The following FMN2 variants were observed in gnomAD, a reference collection of about 807,000 sequenced individuals.
The protein encoded by FMN2 is formin 2.
A neutral mutation model predicts 142.3 loss-of-function variants in FMN2; 51 were observed. The ratio of observed to expected loss-of-function variants is 0.36; its 90% CI spans 0.29 to 0.45. The LOEUF is 0.45. Among genes scored for constraint, FMN2 ranks in the 20% least tolerant of loss-of-function variants. The probability of loss-of-function intolerance (pLI) is 1.00; values close to 1 mark genes in which losing one functional copy is unlikely to be tolerated. For synonymous variants in FMN2, 882 were observed against 869.8 expected (o/e 1.01, Z -0.25); for missense variants, 1,936 against 2,122.8 (o/e 0.91, Z 1.73).
At chr1:240,234,843 T>TA (rs1667648765) in intron 6 of FMN2, among the ~76,000 whole-genome samples, 1 of 152,200 alleles carries the variant, frequency 6.6e-6, no homozygotes, top group Non-Finnish European at 1.5e-5. Flanking sequence ...AGCAATTATA[T>TA]AAAAATATTT....
At chr1:240,430,743 C>A (rs989786251) in intron 15 of FMN2, among the ~76,000 whole-genome samples, 8 of 151,306 alleles carry the variant, frequency 5.3e-5, no homozygotes, top group African/African-American at 1.9e-4. Context: ...CTTTCCTACC[C>A]CCGCATTGAA....
Position 240,162,517 on chromosome 1 carries a change from T to A in FMN2, c.1783-15404T>A, listed in dbSNP as rs142020243. On this transcript the variant is annotated intron_variant, in intron 2 of 17. Coordinates refer to ENST00000319653, the MANE Select transcript of FMN2 (RefSeq NM_020066.5). The stretch of plus-strand genomic sequence containing the variant: ...AACGATTCACATTTTCTTTTTTGTA[T>A]GTTGATTTTGGTAAATTGCATTTTT... 5.1e-3 allele frequency among the ~76,000 whole-genome samples: 771 copies of A among 152,286 alleles called. 7 individuals are homozygous for A. The highest frequency in any genetic ancestry group is 0.018 in the African/African-American group (745 of 41,560).
intron 4 of FMN2, among the ~76,000 whole-genome samples, chr1:240,203,732 A>T (rs568986866): frequency 6.6e-6 from 1 of 152,182 alleles, no homozygotes; most frequent in Non-Finnish European, 1.5e-5. Flanking sequence ...TGATGGGTTG[A>T]TGGGTGCAGC....
intron 15 of FMN2, among the ~76,000 whole-genome samples, chr1:240,406,429 C>A (rs768055938): frequency 1.5e-4 from 23 of 151,944 alleles, no homozygotes; most frequent in Non-Finnish European, 2.9e-4. Context: ...CCCATGGCGG[C>A]GTCTAGTGCC....
At chr1:240,193,576 T>C (rs1034763084) in intron 4 of FMN2, among the ~76,000 whole-genome samples, 1 of 152,126 alleles carries the variant, frequency 6.6e-6, no homozygotes, top group Non-Finnish European at 1.5e-5. Context: ...AAATTGGAAG[T>C]GAACATGGCA....
chr1:240,174,002 T>C (rs1664811786), intron 2 of FMN2, among the ~76,000 whole-genome samples: 1 of 152,148 alleles, frequency 6.6e-6, no homozygotes, highest in African/African-American at 2.4e-5. Flanking sequence ...AAAAGTCTTT[T>C]TGTGGTTGAT....
At chr1:240,177,326 G>A (rs138098375) in intron 2 of FMN2, among the ~76,000 whole-genome samples, 52 of 151,550 alleles carry the variant, frequency 3.4e-4, no homozygotes, top group African/African-American at 1.1e-3. Flanking sequence ...TGTAGCTGGC[G>A]AGGTCTTTCT....
chr1:240,300,734 A>G (rs1670169532), intron 8 of FMN2, among the ~76,000 whole-genome samples: 2 of 152,212 alleles, frequency 1.3e-5, no homozygotes, highest in Non-Finnish European at 2.9e-5. Context: ...AGTGCTAGGT[A>G]GTATATTAGG....
chr1:240,382,965 T>A (rs1673281199), intron 14 of FMN2, among the ~76,000 whole-genome samples: 1 of 152,012 alleles, frequency 6.6e-6, no homozygotes, highest in African/African-American at 2.4e-5. Flanking sequence ...GCCACATATG[T>A]ACAACCAACC....
At chr1:240,361,561 C>T (rs922451460) in intron 14 of FMN2, among the ~76,000 whole-genome samples, 2 of 152,024 alleles carry the variant, frequency 1.3e-5, no homozygotes, top group Non-Finnish European at 2.9e-5. Flanking sequence ...ACCAAATGGA[C>T]GAGGAGATGA....
At chr1:240,171,328 G>T in intron 2 of FMN2, 1 of 669,012 alleles carries the variant, frequency 1.5e-6, no homozygotes, top group South Asian at 1.7e-5. Context: ...ATCCTGTCGT[G>T]ATGTGATGGG....
chr1:240,459,810 C>T (rs1386867550), intron 16 of FMN2, among the ~76,000 whole-genome samples: 1 of 146,132 alleles, frequency 6.8e-6, no homozygotes, highest in Non-Finnish European at 1.5e-5. Context: ...CATTTTTAAC[C>T]TCATATGAGA....
At chr1:240,424,345 G>C (rs371959237) in intron 15 of FMN2, among the ~76,000 whole-genome samples, 3 of 152,290 alleles carry the variant, frequency 2.0e-5, no homozygotes, top group Admixed American at 6.5e-5. Context: ...AGCCAAGTGA[G>C]ATAGACTCTA....
At position 240,204,530 on chromosome 1, in the gene FMN2, C is replaced by T. The variant is rs537430559; in HGVS notation, c.1987-2269C>T. Among the ~76,000 whole-genome samples, 21 of 152,286 alleles carry T rather than the reference C, an allele frequency of 1.4e-4. No individual in the cohort carries two copies. The South Asian group carries it at 4.4e-3, about 32-fold the overall frequency. On this transcript the variant is annotated intron_variant, in intron 4 of 17. Transcript: ENST00000319653. Reference sequence around the variant, plus strand: ...CTTTGGGAGGCCGAGGTGCGTGGATCACCTGAGGTCAGGAGTTTGAGGCCA... The same window carrying T: ...CTTTGGGAGGCCGAGGTGCGTGGATTACCTGAGGTCAGGAGTTTGAGGCCA...
At chr1:240,323,672 T>C (rs147603985) in intron 8 of FMN2, among the ~76,000 whole-genome samples, 1 of 152,362 alleles carries the variant, frequency 6.6e-6, no homozygotes, top group Non-Finnish European at 1.5e-5. Context: ...CTTCCGTTGT[T>C]GTTCCCATTT....
chr1:240,265,923 T>TC (rs1668781349), intron 7 of FMN2, among the ~76,000 whole-genome samples: 2 of 151,180 alleles, frequency 1.3e-5, no homozygotes. Context: ...GTTTGTTTTT[T>TC]TTTTTTTTTC....
intron 2 of FMN2, among the ~76,000 whole-genome samples, chr1:240,176,188 G>A (rs1057238440): frequency 4.6e-5 from 7 of 152,110 alleles, no homozygotes; most frequent in African/African-American, 1.2e-4. Context: ...GTAGTTTTAG[G>A]TCTTATGTTT....
intron 2 of FMN2, among the ~76,000 whole-genome samples, chr1:240,158,048 G>A (rs1267508473): frequency 1.3e-5 from 2 of 151,090 alleles, no homozygotes; most frequent in Non-Finnish European, 2.9e-5. Context: ...GGAAGGCTGA[G>A]GCCTTCCAGG....
chr1:240,168,887 A>G (rs866281917), intron 2 of FMN2, among the ~76,000 whole-genome samples: 13 of 152,130 alleles, frequency 8.5e-5, no homozygotes, highest in Admixed American at 6.5e-5. Flanking sequence ...TCTGATCAAC[A>G]CAATTTATAT....
Sources: allele counts gnomAD v4.1 joint callset (sites outside exome capture counted in the v4.1 genomes callset), GRCh38; gene constraint gnomAD v4.1.1; transcripts MANE v1.5; gene names NCBI Gene and HGNC (gene_info 2026-07-23, HGNC 2026-07-21).